TNR: variants seen among roughly 807,000 people sequenced by gnomAD.
TNR encodes the protein tenascin R.
TNR carries 45 observed loss-of-function variants against 150.4 expected under a neutral mutation model. The observed-to-expected ratio is 0.30, with a 90% confidence interval of 0.24 to 0.38. TNR has a LOEUF of 0.38. Among genes scored for constraint, TNR ranks in the 10% least tolerant of loss-of-function variants. The pLI, the probability that TNR is intolerant of heterozygous loss-of-function variation, is 1.00. For missense variants in TNR, 1,544 were observed against 1,759.1 expected, an observed-to-expected ratio of 0.88 and a Z score of 2.19; for synonymous variants, 687 against 678.4, an observed-to-expected ratio of 1.01 and a Z score of -0.20.
intron 1 of TNR, among the ~76,000 whole-genome samples, chr1:175,677,825 C>T (rs1665908164): frequency 6.6e-6 from 1 of 151,840 alleles, no homozygotes; most frequent in Admixed American, 6.6e-5. Flanking sequence ...AAATAATAGA[C>T]AGGAAAGAGG....
intron 16 of TNR, among the ~76,000 whole-genome samples, chr1:175,356,047 C>T (rs1349643883): frequency 6.6e-6 from 1 of 152,144 alleles, no homozygotes; most frequent in African/African-American, 2.4e-5. Flanking sequence ...ATCCATCAGA[C>T]TTTTCTGGGG....
chr1:175,503,155 G>A (rs1004231642), intron 2 of TNR, among the ~76,000 whole-genome samples: 1 of 152,192 alleles, frequency 6.6e-6, no homozygotes, highest in Non-Finnish European at 1.5e-5. Context: ...TGGGAGACCA[G>A]AGGACCCATG....
At chr1:175,392,635 T>G (rs1302594571) in intron 6 of TNR, among the ~76,000 whole-genome samples, 1 of 152,216 alleles carries the variant, frequency 6.6e-6, no homozygotes, top group Non-Finnish European at 1.5e-5. Flanking sequence ...TAGGACACAT[T>G]TGTATAGATG....
At position 175,434,634 on chromosome 1, in the gene TNR, C is replaced by T. The variant is rs552104097; in HGVS notation, c.-63-27857G>A. 4.6e-5 allele frequency among the ~76,000 whole-genome samples: 7 copies of T among 152,294 alleles called. No homozygotes were observed. In the South Asian group the frequency reaches 8.3e-4, roughly 18 times the overall value. On this transcript the variant is annotated intron_variant, in intron 2 of 22. Transcript: ENST00000367674. The stretch of plus-strand genomic sequence containing the variant: ...TTAACTCGACAATAAAAGTGGTCTA[C>T]GATATGACTCTGTTTAGGCCCCCAA...
rs751812340 is a variant in TNR at position 175,355,731 on chromosome 1, C to G, written c.3119-98G>C. ...TATCTGTTGCCCACCTCTTTGGTCT[C>G]AGGATTGCTCACATGCTGACCCCTG... On this transcript the variant is annotated intron_variant, in intron 16 of 22. Coordinates refer to ENST00000367674, the MANE Select transcript of TNR (RefSeq NM_003285.3). 1,160 of 1,536,962 alleles carry G rather than the reference C, an allele frequency of 7.5e-4. 1 individual carries two copies. The highest frequency in any genetic ancestry group is 9.3e-4 in the Non-Finnish European group (1,057 of 1,133,844).
intron 1 of TNR, among the ~76,000 whole-genome samples, chr1:175,672,047 G>T (rs373451818): frequency 6.6e-6 from 1 of 151,956 alleles, no homozygotes; most frequent in Non-Finnish European, 1.5e-5. Context: ...ATAAATATTT[G>T]AATAAAGAGA....
intron 2 of TNR, among the ~76,000 whole-genome samples, chr1:175,501,823 C>T (rs566810946): frequency 3.9e-5 from 6 of 152,286 alleles, no homozygotes; most frequent in African/African-American, 1.4e-4. Context: ...TATTTTCAAT[C>T]ATGTATTCAA....
At chr1:175,605,491 C>T (rs751688302) in intron 1 of TNR, among the ~76,000 whole-genome samples, 104 of 152,184 alleles carry the variant, frequency 6.8e-4, no homozygotes, top group Non-Finnish European at 1.2e-3. Flanking sequence ...CAAAGGTGAA[C>T]AAAAAAGACA....
At chr1:175,741,909 T>C (rs1263218908) in intron 1 of TNR, among the ~76,000 whole-genome samples, 3 of 152,158 alleles carry the variant, frequency 2.0e-5, no homozygotes, top group Middle Eastern at 6.8e-3. Context: ...TCAACACACT[T>C]GAAGAAAGTG....
intron 1 of TNR, among the ~76,000 whole-genome samples, chr1:175,681,846 C>T (rs1469135079): frequency 1.3e-5 from 2 of 152,112 alleles, no homozygotes; most frequent in South Asian, 2.1e-4. Context: ...GTTCTGTTGG[C>T]GTCTCCACCT....
intron 18 of TNR, among the ~76,000 whole-genome samples, chr1:175,342,298 G>A (rs576349592): frequency 6.6e-6 from 1 of 152,288 alleles, no homozygotes; most frequent in South Asian, 2.1e-4. Flanking sequence ...TAGGGCAAAG[G>A]GTGACAACTG....
At chr1:175,710,561 G>A (rs1037400161) in intron 1 of TNR, among the ~76,000 whole-genome samples, 1 of 152,028 alleles carries the variant, frequency 6.6e-6, no homozygotes, top group African/African-American at 2.4e-5. Context: ...AAGTGAAGAG[G>A]CCCTCAGTAC....
At chr1:175,542,755 T>C (rs1660553917) in intron 1 of TNR, among the ~76,000 whole-genome samples, 1 of 152,252 alleles carries the variant, frequency 6.6e-6, no homozygotes, top group South Asian at 2.1e-4. Context: ...TAATCATATA[T>C]ATTAATCATA....
chr1:175,639,442 G>A (rs995913095), intron 1 of TNR, among the ~76,000 whole-genome samples: 5 of 152,176 alleles, frequency 3.3e-5, no homozygotes, highest in African/African-American at 1.2e-4. Context: ...CGTGCTGAGT[G>A]CTCTCACTGA....
intron 1 of TNR, among the ~76,000 whole-genome samples, chr1:175,683,664 G>T (rs1342889884): frequency 6.6e-6 from 1 of 152,126 alleles, no homozygotes; most frequent in African/African-American, 2.4e-5. Flanking sequence ...TCCCACCTCA[G>T]CTCAAACACC....
At chr1:175,325,895 C>T (rs927643394) in intron 21 of TNR, among the ~76,000 whole-genome samples, 1 of 152,054 alleles carries the variant, frequency 6.6e-6, no homozygotes, top group Non-Finnish European at 1.5e-5. Flanking sequence ...GGAGGGATAG[C>T]ATTAGGAGAT....
chr1:175,583,278 C>T (rs1662435952), intron 1 of TNR, among the ~76,000 whole-genome samples: 1 of 152,024 alleles, frequency 6.6e-6, no homozygotes, highest in Admixed American at 6.6e-5. Context: ...GAAGGAGAGC[C>T]CAGGTAGGAG....
chr1:175,456,094 C>T (rs772005179), intron 2 of TNR, among the ~76,000 whole-genome samples: 1 of 152,182 alleles, frequency 6.6e-6, no homozygotes, highest in African/African-American at 2.4e-5. Context: ...CTAGCTCACC[C>T]GTGCTCACCC....
intron 1 of TNR, among the ~76,000 whole-genome samples, chr1:175,664,027 G>T (rs996608428): frequency 2.6e-5 from 4 of 152,218 alleles, no homozygotes; most frequent in African/African-American, 9.6e-5. Context: ...GGTGGCATGT[G>T]AACAGAGTCT....
Sources: allele counts gnomAD v4.1 joint callset (sites outside exome capture counted in the v4.1 genomes callset), GRCh38; gene constraint gnomAD v4.1.1; transcripts MANE v1.5; gene names NCBI Gene and HGNC (gene_info 2026-07-23, HGNC 2026-07-21).